MROH9: variants seen among roughly 807,000 people sequenced by gnomAD.
MROH9 encodes maestro heat-like repeat-containing protein family member 9.
MROH9 carries 92 observed loss-of-function variants against 98.2 expected under a neutral mutation model. The ratio of observed to expected loss-of-function variants is 0.94; its 90% CI spans 0.79 to 1.11. The LOEUF is 1.11. MROH9 is among the 50% of genes most tolerant of loss of function. The probability of loss-of-function intolerance (pLI) is 0.00; values close to 1 mark genes in which losing one functional copy is unlikely to be tolerated. For synonymous variants in MROH9, 397 were observed against 368.9 expected, an observed-to-expected ratio of 1.08 and a Z score of -0.87; for missense variants, 1,057 against 1,014.8, an observed-to-expected ratio of 1.04 and a Z score of -0.57.
intron 17 of MROH9, among the ~76,000 whole-genome samples, chr1:171,024,070 T>C (rs1230029320): frequency 2.6e-5 from 4 of 152,180 alleles, no homozygotes; most frequent in Non-Finnish European, 4.4e-5. Context: ...ATGTCATACA[T>C]GACAGGATTT....
chr1:171,000,422 G>A (rs956193783), intron 15 of MROH9, among the ~76,000 whole-genome samples: 5 of 152,022 alleles, frequency 3.3e-5, no homozygotes, highest in African/African-American at 7.2e-5. Flanking sequence ...CTTGTATGCC[G>A]ATTTTGCTGA....
intron 17 of MROH9, among the ~76,000 whole-genome samples, chr1:171,018,148 G>A (rs1652391227): frequency 6.6e-6 from 1 of 152,074 alleles, no homozygotes; most frequent in Admixed American, 6.5e-5. Flanking sequence ...GAGCCCACAG[G>A]CATCAGGTTG....
chr1:171,049,943 A>G (rs1050355921), intron 20 of MROH9, among the ~76,000 whole-genome samples: 4 of 152,102 alleles, frequency 2.6e-5, no homozygotes, highest in African/African-American at 7.2e-5. Context: ...TGGCCTCCCA[A>G]TGTGCTAGGA....
intron 20 of MROH9, among the ~76,000 whole-genome samples, chr1:171,050,287 CTT>C (rs1477897328): frequency 6.6e-6 from 1 of 152,088 alleles, no homozygotes; most frequent in African/African-American, 2.4e-5. Context: ...TTTAACATCT[CTT>C]GAGTTAATTT....
rs746807792 is a variant in MROH9 at position 170,947,535 on chromosome 1, C to G, written c.34C>G (p.Leu12Val). 6.2e-7 allele frequency: 1 copy of G among 1,610,698 alleles called. No homozygotes were observed. Among genetic ancestry groups the G allele is most frequent in the Non-Finnish European group, 8.5e-7 (1 of 1,177,544 alleles). Reference protein sequence around the residue: ...LTRNPKTKSSLQILQDSVKWH... With the variant: ...LTRNPKTKSSVQILQDSVKWH... Reference sequence around the variant, plus strand: ...TCCTTCTTTCTGGCTAGAGAGTAGTCTCCAGATTCTGCAAGACAGTGTGAA... The same window carrying G: ...TCCTTCTTTCTGGCTAGAGAGTAGTGTCCAGATTCTGCAAGACAGTGTGAA... The change falls in exon 3 of 22, where the codon CTC becomes GTC. Residue 12 changes from leucine (L) to valine (V), a missense_variant. Physicochemically the swap from Leu to Val is conservative, Grantham distance 32. Coordinates refer to ENST00000367759, the MANE Select transcript of MROH9 (RefSeq NM_001163629.2).
rs139613622 is a variant in MROH9 at position 171,023,902 on chromosome 1, A to C, written c.1909-493A>C. 4.7e-3 allele frequency among the ~76,000 whole-genome samples: 713 copies of C among 152,258 alleles called. 3 individuals carry two copies. Among genetic ancestry groups the C allele is most frequent in the Non-Finnish European group, 6.6e-3 (449 of 68,028 alleles). On this transcript the variant is annotated intron_variant, in intron 17 of 21. Transcript: ENST00000367759. ...GTATCCTTTAACCAACATCTCCCCC[A>C]GTGCCTCCCACCACCCTTCAGCTGC...
chr1:171,036,905 T>C (rs1653117520), intron 20 of MROH9, among the ~76,000 whole-genome samples: 1 of 151,790 alleles, frequency 6.6e-6, no homozygotes, highest in South Asian at 2.1e-4. Context: ...GGAATTCACA[T>C]TAATTTTCTG....
At position 170,986,606 on chromosome 1, in the gene MROH9, CAG is replaced by C. The variant is rs1479433964; in HGVS notation, c.778_779del (p.Leu261ProfsTer8). 5 of 1,613,658 alleles carry C rather than the reference CAG, an allele frequency of 3.1e-6. No homozygotes were observed. The highest frequency in any genetic ancestry group is 2.2e-5 in the East Asian group (1 of 44,858). The stretch of plus-strand genomic sequence containing the variant: ...GCCTCCCTTGCTGACTGACTTTGTG[CAG>C]AGTCTCCTGATGAAACTCTCTTCAC... ...LLPPLLTDFV[Q>X]SLLMKLSSPD... is the part of the protein sequence containing the mutation. On this transcript the variant is annotated frameshift_variant, in exon 10 of 22. Coordinates refer to ENST00000367759, the MANE Select transcript of MROH9 (RefSeq NM_001163629.2). LOFTEE classifies it high-confidence loss of function.
chr1:170,970,580 A>G (rs1307119803), intron 7 of MROH9, among the ~76,000 whole-genome samples: 1 of 152,134 alleles, frequency 6.6e-6, no homozygotes, highest in Non-Finnish European at 1.5e-5. Flanking sequence ...CCATGGAAAA[A>G]AAGAGATTTA....
At position 170,971,949 on chromosome 1, in the gene MROH9, G is replaced by C. The variant is rs1371697157; in HGVS notation, c.616+66G>C. 4 of 1,544,726 alleles carry C rather than the reference G, an allele frequency of 2.6e-6. No homozygotes were observed. The African/African-American group carries it at 5.5e-5, about 21-fold the overall frequency. On this transcript the variant is annotated intron_variant, in intron 8 of 21. Coordinates refer to ENST00000367759, the MANE Select transcript of MROH9 (RefSeq NM_001163629.2). ...TATGTCCCTCGTTATTCAACTTATA[G>C]GTCCTGGGAAGGCTCTACGTCTGTT...
intron 1 of MROH9, among the ~76,000 whole-genome samples, chr1:170,937,241 A>C (rs1044513323): frequency 6.6e-6 from 1 of 152,068 alleles, no homozygotes; most frequent in Non-Finnish European, 1.5e-5. Context: ...AATGCACTAA[A>C]CCCTTCTCAG....
At chr1:171,023,467 T>C (rs1652582043) in intron 17 of MROH9, among the ~76,000 whole-genome samples, 1 of 152,168 alleles carries the variant, frequency 6.6e-6, no homozygotes, top group Non-Finnish European at 1.5e-5. Context: ...CTTCAAGTTA[T>C]ACATACTATT....
At chr1:171,053,790 TA>T (rs1653741538) in intron 20 of MROH9, among the ~76,000 whole-genome samples, 2 of 151,980 alleles carry the variant, frequency 1.3e-5, no homozygotes, top group African/African-American at 2.4e-5. Flanking sequence ...TATGTCAGAA[TA>T]AAATATTCAA....
In MROH9 at chr1:170,947,454, G is replaced by A. The variant is rs1438450933; in HGVS notation, c.26-73G>A. ...CAAGGTCATAGTAGCTTCAGGTTTG[G>A]AAATAAGGCCCCACTAAGATGATAG... On this transcript the variant is annotated intron_variant, in intron 2 of 21. Coordinates refer to ENST00000367759, the MANE Select transcript of MROH9 (RefSeq NM_001163629.2). The A allele has an allele frequency of 6.8e-5, 89 of 1,307,040 alleles. 2 individuals are homozygous for A. In the South Asian group the frequency reaches 1.1e-3, roughly 16 times the overall value. The allele number at this position is 1,307,040 out of a possible 1,614,324, so 81.0% of individuals were successfully genotyped here.
At position 171,024,558 on chromosome 1, in the gene MROH9, T is replaced by C. The variant is rs1652643973; in HGVS notation, c.2061+11T>C. The C allele has an allele frequency of 6.6e-7, 1 of 1,525,152 alleles. No individual in the cohort carries two copies. Among genetic ancestry groups the C allele is most frequent in the Admixed American group, 2.2e-5 (1 of 45,856 alleles). 94.5% of individuals were successfully genotyped at this position (1,525,152 alleles called of 1,614,324 possible). The stretch of plus-strand genomic sequence containing the variant: ...AAAAGAGTAGCTGAAGTAAGTCATT[T>C]GATCTTCTTTTTCATAAATTTACCA... On this transcript the variant is annotated intron_variant, in intron 18 of 21. Transcript: ENST00000367759.
chr1:170,972,829 T>TATACAC (rs113056364), intron 8 of MROH9, among the ~76,000 whole-genome samples: 7 of 128,682 alleles, frequency 5.4e-5, no homozygotes, highest in Non-Finnish European at 8.0e-5. Flanking sequence ...AAAAAAAAAA[T>TATACAC]ACACACACAC....
At chr1:171,023,056 C>T (rs1279638427) in intron 17 of MROH9, among the ~76,000 whole-genome samples, 5 of 152,096 alleles carry the variant, frequency 3.3e-5, no homozygotes, top group Non-Finnish European at 2.9e-5. Flanking sequence ...CAGTGGCTCA[C>T]GCCTGTAATC....
intron 20 of MROH9, among the ~76,000 whole-genome samples, chr1:171,032,108 G>A (rs184495665): frequency 7.9e-5 from 12 of 152,238 alleles, no homozygotes; most frequent in African/African-American, 2.6e-4. Context: ...AACTTCTCGT[G>A]CTGGGGTTTT....
At chr1:171,052,141 T>G in intron 20 of MROH9, among the ~76,000 whole-genome samples, 1 of 152,252 alleles carries the variant, frequency 6.6e-6, no homozygotes, top group East Asian at 1.9e-4. Flanking sequence ...TCCAATAATT[T>G]ACACATTTCT....
Sources: gnomAD v4.1 joint callset for allele counts (sites outside exome capture counted in the v4.1 genomes callset) on GRCh38, gnomAD v4.1.1 for gene constraint, MANE v1.5 for transcripts, NCBI Gene and HGNC (gene_info 2026-07-23, HGNC 2026-07-21) for gene names.